The following CCDC171 variants were observed in gnomAD, a reference collection of about 807,000 sequenced individuals.
CCDC171 encodes the protein coiled-coil domain-containing protein 171.
In CCDC171, 177 loss-of-function variants were observed where a neutral mutation model predicts 168.2. The ratio of observed to expected loss-of-function variants is 1.05; its 90% CI spans 0.93 to 1.19. CCDC171 has a LOEUF of 1.19. Among genes scored for constraint, CCDC171 ranks in the 50% most tolerant of loss-of-function variants. The probability of loss-of-function intolerance (pLI) is 0.00; values close to 1 mark genes in which losing one functional copy is unlikely to be tolerated. For missense variants in CCDC171, 1,991 were observed against 1,539.0 expected, an observed-to-expected ratio of 1.29 and a Z score of -4.91; for synonymous variants, 687 against 540.8, an observed-to-expected ratio of 1.27 and a Z score of -3.75.
the CCDC171 span, among the ~76,000 whole-genome samples, chr9:16,071,535 C>T: frequency 2.3e-3 from 134 of 57,042 alleles, 3 homozygotes; most frequent in South Asian, 0.062. Context: ...GATCTTCTTG[C>T]CTGTCCCCAG....
chr9:15,729,496 T>A, intron 15 of CCDC171, 114 bp from the exon 16 acceptor site: 1 of 558,394 alleles, frequency 1.8e-6, no homozygotes, highest in Non-Finnish European at 2.9e-6. Context: ...AAAATTTTTA[T>A]ATGATCTTAA....
chr9:16,042,576 G>T (rs1833589879), upstream of CCDC171, among the ~76,000 whole-genome samples: 1 of 152,174 alleles, frequency 6.6e-6, no homozygotes, highest in South Asian at 2.1e-4. Context: ...TAAATGAGAA[G>T]ACTGGACAAA....
chr9:15,634,039 G>A (rs186658216), intron 7 of CCDC171, among the ~76,000 whole-genome samples: 96 of 152,138 alleles, frequency 6.3e-4, no homozygotes, highest in Admixed American at 2.0e-3. Context: ...GTGGGGAGAG[G>A]GGGGCGGGAT....
intron 25 of CCDC171, among the ~76,000 whole-genome samples, chr9:15,952,586 G>T (rs1217013523): frequency 6.6e-6 from 1 of 151,920 alleles, no homozygotes; most frequent in Admixed American, 6.6e-5. Context: ...TAGTAGAGAC[G>T]GGGTTTCTCC....
At chr9:15,873,160 G>A (rs990772459) in intron 23 of CCDC171, among the ~76,000 whole-genome samples, 2 of 152,000 alleles carry the variant, frequency 1.3e-5, no homozygotes, top group African/African-American at 2.4e-5. Context: ...CCATAGATTA[G>A]CGTGAACAGT....
At chr9:16,009,026 T>G (rs2132979021) in intron 3 of CCDC171, among the ~76,000 whole-genome samples, 1 of 151,870 alleles carries the variant, frequency 6.6e-6, no homozygotes, top group African/African-American at 2.4e-5. Flanking sequence ...ATACAATTTG[T>G]ATTATTATAA....
chr9:15,975,903 G>A (rs1256342124), downstream of CCDC171, among the ~76,000 whole-genome samples: 1 of 152,148 alleles, frequency 6.6e-6, no homozygotes, highest in East Asian at 1.9e-4. Context: ...AGATTATCCT[G>A]GATTAGCTGG....
At chr9:15,874,856 G>A (rs1817641889) in intron 24 of CCDC171, 193 bp downstream of exon 24, 2 of 458,340 alleles carry the variant, frequency 4.4e-6, no homozygotes, top group South Asian at 1.8e-4. Context: ...CCTAGAACTA[G>A]CCTATTAAAA....
chr9:16,014,045 G>A (rs368137721), intron 3 of CCDC171, among the ~76,000 whole-genome samples: 2 of 152,156 alleles, frequency 1.3e-5, no homozygotes, highest in Non-Finnish European at 2.9e-5. Context: ...TTCACAAAAG[G>A]TTTCTCTGCA....
intron 21 of CCDC171, among the ~76,000 whole-genome samples, chr9:15,792,920 G>C (rs1554817325): frequency 6.6e-6 from 1 of 152,056 alleles, no homozygotes; most frequent in Non-Finnish European, 1.5e-5. Context: ...ATCAACTAAT[G>C]AGCAAAATAA....
intron 23 of CCDC171, among the ~76,000 whole-genome samples, 160 bp from the exon 24 acceptor site, chr9:15,874,372 G>C (rs1180920105): frequency 6.6e-6 from 1 of 152,090 alleles, no homozygotes; most frequent in Admixed American, 6.6e-5. Flanking sequence ...CTGAATTAGA[G>C]ATTTATTTGC....
chr9:15,950,649 A>G (rs199763444), intron 25 of CCDC171, among the ~76,000 whole-genome samples: 6 of 152,212 alleles, frequency 3.9e-5, no homozygotes, highest in South Asian at 2.1e-4. Flanking sequence ...GGAACAACCG[A>G]TACCAGCCGC....
intron 20 of CCDC171, among the ~76,000 whole-genome samples, chr9:15,781,467 G>C (rs953669970): frequency 2.0e-5 from 3 of 152,098 alleles, no homozygotes; most frequent in African/African-American, 4.8e-5. Context: ...ACCCAGGCCG[G>C]AGTGCAGTGG....
intron 3 of CCDC171, among the ~76,000 whole-genome samples, chr9:15,990,461 C>G (rs1427344292): frequency 2.0e-5 from 3 of 152,184 alleles, no homozygotes; most frequent in Admixed American, 2.0e-4. Flanking sequence ...GTACCAGCCA[C>G]TGCAAAAACA....
At chr9:15,906,885 A>G (rs1449551786) in intron 24 of CCDC171, among the ~76,000 whole-genome samples, 2 of 152,088 alleles carry the variant, frequency 1.3e-5, no homozygotes, top group African/African-American at 4.8e-5. Flanking sequence ...AATAACAGAC[A>G]AGCAGACATC....
chr9:16,069,088 C>T, the CCDC171 span, among the ~76,000 whole-genome samples: 1 of 152,188 alleles, frequency 6.6e-6, no homozygotes, highest in African/African-American at 2.4e-5. Context: ...CTTCCTGCCC[C>T]ATGTAAGTGA....
intron 11 of CCDC171, among the ~76,000 whole-genome samples, chr9:15,708,533 A>G (rs2052418688): frequency 6.6e-6 from 1 of 152,198 alleles, no homozygotes; most frequent in Non-Finnish European, 1.5e-5. Context: ...TTTCTGAGGC[A>G]ATAAGAGTAT....
chr9:15,598,375 C>G (rs911839045), intron 6 of CCDC171, among the ~76,000 whole-genome samples: 2 of 152,058 alleles, frequency 1.3e-5, no homozygotes, highest in Admixed American at 6.6e-5. Context: ...TTTCAAAGAA[C>G]ATCTTTTTTT....
intron 25 of CCDC171, among the ~76,000 whole-genome samples, chr9:15,967,075 T>G (rs1404847475): frequency 6.6e-6 from 1 of 152,196 alleles, no homozygotes; most frequent in Non-Finnish European, 1.5e-5. Flanking sequence ...CTGTATAAAC[T>G]ACGGTGGCCT....
Sources: gnomAD v4.1 joint callset for allele counts (sites outside exome capture counted in the v4.1 genomes callset) on GRCh38, gnomAD v4.1.1 for gene constraint, MANE v1.5 for transcripts, NCBI Gene and HGNC (gene_info 2026-07-23, HGNC 2026-07-21) for gene names.